SYT9: variants seen among roughly 807,000 people sequenced by gnomAD.
The protein encoded by SYT9 is synaptotagmin-9.
In SYT9, 22 loss-of-function variants were observed where a neutral mutation model predicts 48.4. That is an observed-to-expected ratio of 0.45 (90% CI 0.32 to 0.65). The LOEUF (loss-of-function observed/expected upper bound fraction) is 0.65. Among genes scored for constraint, SYT9 ranks in the 30% least tolerant of loss-of-function variants. SYT9 has a pLI of 0.03. For synonymous variants in SYT9, 265 were observed against 245.0 expected, an observed-to-expected ratio of 1.08 and a Z score of -0.76; for missense variants, 577 against 622.0, an observed-to-expected ratio of 0.93 and a Z score of 0.77.
upstream of SYT9, among the ~76,000 whole-genome samples, chr11:7,247,762 A>G (rs188654132): frequency 1.8e-3 from 274 of 151,192 alleles, 1 homozygote; most frequent in African/African-American, 5.5e-3. Context: ...TGTTTTTGCA[A>G]TTGTGAATTG....
chr11:7,413,610 A>G (rs996372498), intron 3 of SYT9, among the ~76,000 whole-genome samples: 5 of 151,932 alleles, frequency 3.3e-5, no homozygotes, highest in Admixed American at 3.3e-4. Flanking sequence ...CATTGCTTCC[A>G]TTTCCTCTGT....
chr11:7,362,583 T>A (rs1850163366), intron 3 of SYT9, among the ~76,000 whole-genome samples: 1 of 152,178 alleles, frequency 6.6e-6, no homozygotes, highest in South Asian at 2.1e-4. Context: ...GAAGGGAAAT[T>A]GAAGAATGTT....
At chr11:7,360,010 T>C (rs1436811592) in intron 3 of SYT9, among the ~76,000 whole-genome samples, 1 of 151,758 alleles carries the variant, frequency 6.6e-6, no homozygotes, top group African/African-American at 2.4e-5. Flanking sequence ...CTTTAATCCA[T>C]CTTGAATTGA....
At chr11:7,369,994 C>T (rs758792672) in intron 3 of SYT9, among the ~76,000 whole-genome samples, 1 of 152,030 alleles carries the variant, frequency 6.6e-6, no homozygotes, top group Non-Finnish European at 1.5e-5. Flanking sequence ...TTGGTGCACT[C>T]ATCACACATG....
chr11:7,443,508 G>GA (rs529555438), intron 6 of SYT9, among the ~76,000 whole-genome samples: 41 of 152,352 alleles, frequency 2.7e-4, no homozygotes, highest in African/African-American at 9.1e-4. Flanking sequence ...CTGAATGCAT[G>GA]AAAGAGGCTG....
intron 3 of SYT9, among the ~76,000 whole-genome samples, chr11:7,393,953 T>C (rs1846691861): frequency 2.9e-5 from 1 of 35,004 alleles, no homozygotes; most frequent in Admixed American, 4.9e-4. Context: ...CATTGTCATT[T>C]CTTTTTCTTT....
chr11:7,360,190 T>C (rs1850105095), intron 3 of SYT9, among the ~76,000 whole-genome samples: 1 of 152,244 alleles, frequency 6.6e-6, no homozygotes, highest in South Asian at 2.1e-4. Flanking sequence ...CTGAGGGCTC[T>C]GTTCTGCTCC....
intron 3 of SYT9, among the ~76,000 whole-genome samples, chr11:7,336,889 G>T (rs1445061490): frequency 2.0e-5 from 3 of 152,146 alleles, no homozygotes; most frequent in Non-Finnish European, 2.9e-5. Flanking sequence ...TGTAAAGAAT[G>T]TCATTGGTAG....
chr11:7,466,918 C>A lies in SYT9; in HGVS notation c.*118C>A. ...ACGATTTCAGTGACCAAATGCTCAG[C>A]TGTAACCACAGCACTAACTGGCCTT... On this transcript the variant is annotated 3_prime_UTR_variant, in exon 7 of 7. Coordinates refer to ENST00000318881, the MANE Select transcript of SYT9 (RefSeq NM_175733.4). 1 of 1,278,356 alleles carries A rather than the reference C, an allele frequency of 7.8e-7. No individual in the cohort carries two copies. Among genetic ancestry groups the A allele is most frequent in the Non-Finnish European group, 1.1e-6 (1 of 892,376 alleles). 79.2% of individuals were successfully genotyped at this position (1,278,356 alleles called of 1,614,324 possible).
chr11:7,415,880 T>C (rs571390846), intron 3 of SYT9, among the ~76,000 whole-genome samples, 162 bp from the exon 4 acceptor site: 2 of 152,268 alleles, frequency 1.3e-5, no homozygotes, highest in East Asian at 3.9e-4. Context: ...TGCAGGGATT[T>C]ATTATTCTCC....
chr11:7,356,865 A>G (rs1850031216), intron 3 of SYT9, among the ~76,000 whole-genome samples: 1 of 152,208 alleles, frequency 6.6e-6, no homozygotes, highest in Admixed American at 6.5e-5. Flanking sequence ...CAGGCACTGC[A>G]CTGCTATGTT....
intron 3 of SYT9, among the ~76,000 whole-genome samples, chr11:7,380,111 T>TA (rs1182730947): frequency 9.9e-5 from 15 of 152,186 alleles, no homozygotes; most frequent in African/African-American, 3.1e-4. Flanking sequence ...TACTCAGCCA[T>TA]AAAAAGGAAT....
intron 6 of SYT9, among the ~76,000 whole-genome samples, chr11:7,432,133 C>A (rs1001960199): frequency 6.6e-6 from 1 of 152,216 alleles, no homozygotes; most frequent in Non-Finnish European, 1.5e-5. Flanking sequence ...CGAGAGCATC[C>A]CTGGGGGCCA....
chr11:7,402,148 G>C (rs1248785512), intron 3 of SYT9, among the ~76,000 whole-genome samples: 6 of 151,892 alleles, frequency 4.0e-5, no homozygotes, highest in African/African-American at 1.4e-4. Flanking sequence ...AGATTTTCCA[G>C]ATGTCTATGA....
intron 1 of SYT9, among the ~76,000 whole-genome samples, chr11:7,296,910 C>T (rs1428471136): frequency 6.6e-6 from 1 of 152,058 alleles, no homozygotes; most frequent in Non-Finnish European, 1.5e-5. Flanking sequence ...ATTACATTAC[C>T]ACCTTCCCTA....
At chr11:7,443,298 G>T (rs553134347) in intron 6 of SYT9, among the ~76,000 whole-genome samples, 24 of 152,306 alleles carry the variant, frequency 1.6e-4, no homozygotes, top group Middle Eastern at 3.4e-3. Flanking sequence ...TTTACAATCT[G>T]GCTGAGGAAA....
At chr11:7,391,583 G>A (rs1175971587) in intron 3 of SYT9, among the ~76,000 whole-genome samples, 1 of 151,578 alleles carries the variant, frequency 6.6e-6, no homozygotes, top group Non-Finnish European at 1.5e-5. Context: ...TTTATTGAAT[G>A]CTTATATGTC....
chr11:7,261,101 A>G (rs1848070118), intron 1 of SYT9, among the ~76,000 whole-genome samples: 1 of 152,206 alleles, frequency 6.6e-6, no homozygotes, highest in African/African-American at 2.4e-5. Context: ...AACAGGCATA[A>G]TTTTAAAAAA....
At chr11:7,318,793 C>T (rs1849286513) in intron 3 of SYT9, among the ~76,000 whole-genome samples, 1 of 151,858 alleles carries the variant, frequency 6.6e-6, no homozygotes, top group South Asian at 2.1e-4. Context: ...TAATTTTGAG[C>T]CAATCTTATA....
Sources: allele counts gnomAD v4.1 joint callset (sites outside exome capture counted in the v4.1 genomes callset), GRCh38; gene constraint gnomAD v4.1.1; transcripts MANE v1.5; gene names NCBI Gene and HGNC (gene_info 2026-07-23, HGNC 2026-07-21).